The following CCDC154 variants were observed in gnomAD, a reference collection of about 807,000 sequenced individuals.
The protein encoded by CCDC154 is coiled-coil domain-containing protein 154.
A neutral mutation model predicts 87.5 loss-of-function variants in CCDC154; 91 were observed. The ratio of observed to expected loss-of-function variants is 1.04; its 90% CI spans 0.88 to 1.24. CCDC154 has a LOEUF of 1.24. Ranked by LOEUF, CCDC154 falls within the 50% of genes most tolerant of loss-of-function variation. CCDC154 has a pLI of 0.00. For missense variants in CCDC154, 903 were observed against 879.2 expected, an observed-to-expected ratio of 1.03 and a Z score of -0.34; for synonymous variants, 418 against 400.4, an observed-to-expected ratio of 1.04 and a Z score of -0.52.
chr16:1,440,819 T>C (rs943166153), intron 6 of CCDC154, among the ~76,000 whole-genome samples: 12 of 151,360 alleles, frequency 7.9e-5, no homozygotes, highest in Non-Finnish European at 1.3e-4. Context: ...GGCGTGGTGG[T>C]GGGCGCCTGT....
chr16:1,437,551 C>A, intron 11 of CCDC154: 2 of 450,224 alleles, frequency 4.4e-6, no homozygotes, highest in East Asian at 3.6e-5. Context: ...CCGTGAGCTG[C>A]CCGCATGGCC....
intron 6 of CCDC154, 95 bp downstream of exon 6, chr16:1,442,311 G>A (rs2038558770): frequency 7.5e-7 from 1 of 1,337,052 alleles, no homozygotes; most frequent in Non-Finnish European, 1.0e-6. Flanking sequence ...GATACATGGT[G>A]AACGGCCGCT....
rs376091320 is a variant in CCDC154 at position 1,435,420 on chromosome 16, G to A, written c.1606-245C>T. On this transcript the variant is annotated intron_variant, in intron 14 of 16. Coordinates refer to ENST00000389176, the MANE Select transcript of CCDC154 (RefSeq NM_001143980.3). ...TGTTCCGGCCCTCGTGGCTGCGGACGGCACCCCGGTGTGGGGGCTCCAGGC... is the reference window on the plus strand; with the variant it reads ...TGTTCCGGCCCTCGTGGCTGCGGACAGCACCCCGGTGTGGGGGCTCCAGGC... The A allele has an allele frequency of 5.2e-3, 2,937 of 561,348 alleles. 14 individuals carry two copies. Among genetic ancestry groups the A allele is most frequent in the Non-Finnish European group, 7.0e-3 (2,203 of 316,532 alleles). The allele number at this position is 561,348 out of a possible 1,614,324, so 34.8% of individuals were successfully genotyped here.
chr16:1,443,249 T>G lies in CCDC154; in HGVS notation c.455+12A>C. ...CGCCCTGGGCCTGTGCCCCTAGGTG[T>G]GTGGGGGGTACCTTTTGTCCAGGGC... On this transcript the variant is annotated intron_variant, in intron 4 of 16. Transcript: ENST00000389176. 6.5e-7 allele frequency: 1 copy of G among 1,548,258 alleles called. No individual in the cohort carries two copies. Among genetic ancestry groups the G allele is most frequent in the East Asian group, 2.4e-5 (1 of 40,890 alleles).
Position 1,438,695 on chromosome 16 carries a change from C to G in CCDC154, c.949G>C (p.Val317Leu), listed in dbSNP as rs965058246. 4 of 1,549,938 alleles carry G rather than the reference C, an allele frequency of 2.6e-6. No homozygotes were observed. The highest frequency in any genetic ancestry group is 3.5e-6 in the Non-Finnish European group (4 of 1,146,792). The change falls in exon 9 of 17, where the codon GTG becomes CTG. Residue 317 changes from valine (V) to leucine (L), a missense_variant. Transcript: ENST00000389176. ...TGCACAAACTTGGTCAGCTGGGCCA[C>G]GGCAGCATCCAGGCCCTGGCACTGC... ...LEQCQGLDAAVAQLTKFVQQN... is the reference protein window; with the variant it reads ...LEQCQGLDAALAQLTKFVQQN...
Position 1,436,103 on chromosome 16 carries a change from C to G in CCDC154, c.1488-17G>C. ...TTGAACTCCCTATGGGCACCAGAGG[C>G]CGAGGCTGGCTGTCGGGTGTGCTCG... is the stretch of plus-strand genomic sequence containing the variant. On this transcript the variant is annotated splice_polypyrimidine_tract_variant and intron_variant, in intron 13 of 16. Coordinates refer to ENST00000389176, the MANE Select transcript of CCDC154 (RefSeq NM_001143980.3). 6.5e-7 allele frequency: 1 copy of G among 1,544,952 alleles called. No individual in the cohort carries two copies. Among genetic ancestry groups the G allele is most frequent in the South Asian group, 1.2e-5 (1 of 83,950 alleles).
At chr16:1,440,495 A>AAAGAGAAGAG (rs148718592) in intron 6 of CCDC154, among the ~76,000 whole-genome samples, 3 of 149,694 alleles carry the variant, frequency 2.0e-5, no homozygotes, top group Admixed American at 6.7e-5. Context: ...AGAGAACAGA[A>AAAGAGAAGAG]AAGAGAAGAG....
chr16:1,438,573 C>A, intron 9 of CCDC154, 46 bp downstream of exon 9: 2 of 1,511,108 alleles, frequency 1.3e-6, no homozygotes, highest in Non-Finnish European at 1.8e-6. Flanking sequence ...AGTGGGACAT[C>A]AGGGGTCCCC....
In CCDC154 at chr16:1,434,869, CTGGTG is replaced by C; in HGVS notation, c.1693-22_1693-18del. ...CTGCGTGCGCTGTGGGACGGGGATGCTGGTGTCACCCAGGAGCCAGACCTCCGGGC... is the reference window on the plus strand; with the variant it reads ...CTGCGTGCGCTGTGGGACGGGGATGCTCACCCAGGAGCCAGACCTCCGGGC... On this transcript the variant is annotated intron_variant, in intron 15 of 16. Coordinates refer to ENST00000389176, the MANE Select transcript of CCDC154 (RefSeq NM_001143980.3). 6.7e-7 allele frequency: 1 copy of C among 1,482,568 alleles called. No individual in the cohort carries two copies. Among genetic ancestry groups the C allele is most frequent in the Middle Eastern group, 2.4e-4 (1 of 4,172 alleles). The allele number at this position is 1,482,568 out of a possible 1,614,324, so 91.8% of individuals were successfully genotyped here.
chr16:1,442,990 G>A lies in CCDC154; in HGVS notation c.456-15C>T. On this transcript the variant is annotated splice_polypyrimidine_tract_variant and intron_variant, in intron 4 of 16. Transcript: ENST00000389176. Reference sequence around the variant, plus strand: ...CCTCCACCAGCCTGGGACACAACAAGCCATTCCCGAGAGGCCCAGGCGGGC... The same window carrying A: ...CCTCCACCAGCCTGGGACACAACAAACCATTCCCGAGAGGCCCAGGCGGGC... 1.3e-6 allele frequency: 2 copies of A among 1,549,818 alleles called. No homozygotes were observed. Among genetic ancestry groups the A allele is most frequent in the Non-Finnish European group, 1.7e-6 (2 of 1,146,664 alleles).
chr16:1,442,063 CCCGCCA>C (rs1427668620), intron 6 of CCDC154, among the ~76,000 whole-genome samples: 3 of 152,082 alleles, frequency 2.0e-5, no homozygotes, highest in African/African-American at 7.2e-5. Flanking sequence ...GCTACAGGTG[CCCGCCA>C]CCACACCTGG....
intron 9 of CCDC154, 27 bp downstream of exon 9, chr16:1,438,592 C>T (rs1393402522): frequency 1.9e-6 from 3 of 1,538,524 alleles, no homozygotes; most frequent in Non-Finnish European, 2.6e-6. Flanking sequence ...CCCCGCCTGA[C>T]AGCACCTGAG....
chr16:1,434,526 C>T lies in CCDC154; in HGVS notation c.1886G>A (p.Arg629His), dbSNP rs918009766. The T allele has an allele frequency of 1.6e-5, 24 of 1,546,334 alleles. No individual in the cohort carries two copies. Among genetic ancestry groups the T allele is most frequent in the East Asian group, 1.2e-4 (5 of 40,888 alleles). Residue 629 changes from arginine (R) to histidine (H), a missense_variant, in exon 17 of 17, where the codon CGC becomes CAC. Arg to His is a conservative substitution (Grantham distance 29). Transcript: ENST00000389176. The stretch of plus-strand genomic sequence containing the variant: ...GAGCTTTATGAGGGACGCCTTCCAG[C>T]GCAGCCACCTGTCCAGAGATGCGGC... ...WGVYQAVRWL[R>H]WKASLIKLRA...
intron 5 of CCDC154, 115 bp downstream of exon 5, chr16:1,442,765 G>A (rs942247845): frequency 5.1e-6 from 6 of 1,167,008 alleles, no homozygotes; most frequent in Non-Finnish European, 6.0e-6. Flanking sequence ...CGAGGGCGGT[G>A]CCCCGCCGGG....
chr16:1,438,933 G>A lies in CCDC154; in HGVS notation c.788C>T (p.Ala263Val). The change falls in exon 8 of 17, where the codon GCC becomes GTC. Residue 263 changes from alanine to valine, a missense_variant. Physicochemically the swap from Ala to Val is moderately conservative, Grantham distance 64 (BLOSUM62 0). Coordinates refer to ENST00000389176, the MANE Select transcript of CCDC154 (RefSeq NM_001143980.3). The part of the protein sequence containing the change: ...SFLALEKRMK[A>V]SESSRLKLEG... ...CAGCTTCAGCCGTGAGCTCTCCGAG[G>A]CCTTCATTCTCTGTGGGGAGACCCC... The A allele has an allele frequency of 3.9e-6, 6 of 1,549,264 alleles. No individual in the cohort carries two copies. Among genetic ancestry groups the A allele is most frequent in the Non-Finnish European group, 5.2e-6 (6 of 1,146,342 alleles).
intron 6 of CCDC154, among the ~76,000 whole-genome samples, chr16:1,441,409 G>C (rs554326683): frequency 1.6e-3 from 239 of 152,348 alleles, no homozygotes; most frequent in Admixed American, 6.0e-3. Flanking sequence ...ATGCGCACGG[G>C]AGCTGGCTGC....
chr16:1,438,513 G>A, intron 9 of CCDC154, 106 bp downstream of exon 9: 1 of 1,085,486 alleles, frequency 9.2e-7, no homozygotes, highest in Middle Eastern at 2.1e-4. Flanking sequence ...ACTCTGCTCG[G>A]GGGAGGCAAG....
rs1238876289 is a variant in CCDC154, at chr16:1,434,667, C to T, written c.1877+1G>A. On this transcript the variant is annotated splice_donor_variant, in intron 16 of 16. Coordinates refer to ENST00000389176, the MANE Select transcript of CCDC154 (RefSeq NM_001143980.3). LOFTEE classifies it high-confidence loss of function. ...GCCGCGCCGGGATCCCTGCTGCCCA[C>T]CTCACAGCCTGGTACACGCCCCAGC... 1 of 1,545,852 alleles carries T rather than the reference C, an allele frequency of 6.5e-7. No homozygotes were observed. Among genetic ancestry groups the T allele is most frequent in the South Asian group, 1.2e-5 (1 of 84,028 alleles).
chr16:1,443,325 T>C, intron 3 of CCDC154, 24 bp from the exon 4 acceptor site: 1 of 1,544,594 alleles, frequency 6.5e-7, no homozygotes, highest in Non-Finnish European at 8.7e-7. Flanking sequence ...GAGGAGGCTG[T>C]GGGCTGGACC....
Sources: allele counts gnomAD v4.1 joint callset (sites outside exome capture counted in the v4.1 genomes callset), GRCh38; gene constraint gnomAD v4.1.1; transcripts MANE v1.5; gene names NCBI Gene and HGNC (gene_info 2026-07-23, HGNC 2026-07-21).